The following LYZL2 variants were observed in gnomAD, a reference collection of about 807,000 sequenced individuals.
The protein encoded by LYZL2 is lysozyme like 2, also known as lysozyme-like protein 2.
Under a neutral mutation model 17.1 loss-of-function variants are expected in LYZL2, and 13 were observed. That is an observed-to-expected ratio of 0.76 (90% CI 0.49 to 1.21). The LOEUF is 1.21. LYZL2 is among the 50% of genes most tolerant of loss of function. The probability of loss-of-function intolerance (pLI) is 0.00; values close to 1 mark genes in which losing one functional copy is unlikely to be tolerated. For synonymous variants in LYZL2, 63 were observed against 74.4 expected (o/e 0.85, Z 0.79); for missense variants, 166 against 189.2 (o/e 0.88, Z 0.72).
intron 3 of LYZL2, among the ~76,000 whole-genome samples, chr10:30,616,393 T>G (rs424712): frequency 0.83 from 126,207 of 152,288 alleles, 52,963 homozygotes; most frequent in African/African-American, 0.92. Flanking sequence ...GCTTATAAAA[T>G]TCTCTTGCCA....
At chr10:30,611,557 AGG>A (rs1491301052), downstream of LYZL2, among the ~76,000 whole-genome samples, 6,204 of 94,930 alleles carry the variant, frequency 0.065, 152 homozygotes, top group South Asian at 0.089. Flanking sequence ...GAAGGAAGGA[AGG>A]AAGGAAGGAA....
At chr10:30,614,223 C>T (rs1838493164) in intron 3 of LYZL2, among the ~76,000 whole-genome samples, 1 of 152,172 alleles carries the variant, frequency 6.6e-6, no homozygotes, top group African/African-American at 2.4e-5. Flanking sequence ...TTTGAAATGC[C>T]AGATATTTTC....
At chr10:30,615,744 G>A (rs1405510449) in intron 3 of LYZL2, among the ~76,000 whole-genome samples, 1 of 151,362 alleles carries the variant, frequency 6.6e-6, no homozygotes, top group Non-Finnish European at 1.5e-5. Flanking sequence ...TAACATTAAA[G>A]ACAATTAAAA....
chr10:30,607,605 C>T (rs758612270), downstream of LYZL2, among the ~76,000 whole-genome samples: 18 of 152,060 alleles, frequency 1.2e-4, no homozygotes, highest in Non-Finnish European at 1.3e-4. Flanking sequence ...GGATGAGAGA[C>T]GGGAGAAAAA....
chr10:30,608,615 C>T (rs420512), downstream of LYZL2, among the ~76,000 whole-genome samples: 96,438 of 151,996 alleles, frequency 0.63, 31,186 homozygotes, highest in Middle Eastern at 0.77. Flanking sequence ...TCTCTGCTGT[C>T]GCGCTGTGGC....
At chr10:30,616,269 C>A (rs1348167826) in intron 3 of LYZL2, among the ~76,000 whole-genome samples, 1 of 152,074 alleles carries the variant, frequency 6.6e-6, no homozygotes, top group Admixed American at 6.6e-5. Flanking sequence ...ATTCTATTAA[C>A]CAGGAGAAAA....
intron 4 of LYZL2, 126 bp from the exon 5 acceptor site, chr10:30,612,150 T>G (rs1444775972): frequency 8.5e-7 from 1 of 1,173,132 alleles, no homozygotes; most frequent in East Asian, 2.4e-5. Context: ...CATTTGCTTC[T>G]GAGATCAAAG....
chr10:30,626,845 C>T lies in LYZL2; in HGVS notation c.71G>A (p.Arg24His), dbSNP rs375255325. 6.8e-5 allele frequency: 109 copies of T among 1,614,186 alleles called. No homozygotes were observed. Among genetic ancestry groups the T allele is most frequent in the South Asian group, 4.0e-4 (36 of 91,072 alleles). Residue 24 changes from arginine (R) to histidine (H), a missense_variant, in exon 2 of 5, where the codon CGT becomes CAT. Physicochemically the swap from Arg to His is conservative, Grantham distance 29 (BLOSUM62 0). Around this residue, in one of 2 missense-constraint regions of LYZL2, gnomAD observed 32 missense variants for 59.8 expected, o/e 0.53. Coordinates refer to ENST00000647634, the MANE Select transcript of LYZL2 (RefSeq NM_183058.3). ...VTGAESKIYT[R>H]CKLAKIFSRA... The stretch of plus-strand genomic sequence containing the variant: ...CGAGAATATTTTTGCCAGTTTGCAA[C>T]GAGTGTAGATTTTGGACTCGGCGCC...
rs1425358256 is a variant in LYZL2 at position 30,612,875 on chromosome 10, A to G, written c.324T>C (p.Asp108=). ...CAATTTTCTTGGCACAGATAATCGC[A>G]TCTGTGAGGTCATCAGTGACCAAGG... ...CSALVTDDLT[D]AIICAKKIVK... is the part of the protein sequence containing the mutation. Residue 108 remains aspartate, a synonymous_variant, in exon 4 of 5, where the codon GAT becomes GAC. Coordinates refer to ENST00000647634, the MANE Select transcript of LYZL2 (RefSeq NM_183058.3). 1 of 1,613,950 alleles carries G rather than the reference A, an allele frequency of 6.2e-7. No individual in the cohort carries two copies. The highest frequency in any genetic ancestry group is 1.7e-5 in the Admixed American group (1 of 60,024).
intron 3 of LYZL2, among the ~76,000 whole-genome samples, chr10:30,613,174 C>T (rs1012089749): frequency 3.3e-5 from 5 of 152,142 alleles, no homozygotes; most frequent in East Asian, 3.9e-4. Flanking sequence ...TTAGAGAAGA[C>T]GCTATGTGAA....
intron 3 of LYZL2, among the ~76,000 whole-genome samples, chr10:30,613,896 T>C (rs1047358613): frequency 2.6e-5 from 4 of 152,096 alleles, no homozygotes; most frequent in African/African-American, 9.7e-5. Flanking sequence ...TTATTTTTAT[T>C]TTTGTAGAGA....
chr10:30,621,501 T>C (rs1438610224), intron 3 of LYZL2, among the ~76,000 whole-genome samples: 1 of 152,040 alleles, frequency 6.6e-6, no homozygotes, highest in Non-Finnish European at 1.5e-5. Context: ...TGAGAATTAC[T>C]TGAGTCCAGG....
At chr10:30,607,509 C>G (rs1396014135), downstream of LYZL2, among the ~76,000 whole-genome samples, 2 of 152,120 alleles carry the variant, frequency 1.3e-5, no homozygotes, top group Non-Finnish European at 2.9e-5. Context: ...ACTGGAGGAT[C>G]AGTTTAAACA....
chr10:30,624,226 T>C (rs56819037), intron 3 of LYZL2, among the ~76,000 whole-genome samples: 2,289 of 152,290 alleles, frequency 0.015, 53 homozygotes, highest in African/African-American at 0.052. Context: ...CGTCAATGGA[T>C]TCCCATGTCC....
intron 3 of LYZL2, among the ~76,000 whole-genome samples, chr10:30,616,066 T>C (rs1460460309): frequency 1.3e-5 from 2 of 152,256 alleles, no homozygotes; most frequent in South Asian, 2.1e-4. Context: ...ATGTTGCATT[T>C]CAATAAGGCA....
At chr10:30,622,628 C>T (rs974450962) in intron 3 of LYZL2, among the ~76,000 whole-genome samples, 3 of 152,168 alleles carry the variant, frequency 2.0e-5, no homozygotes, top group African/African-American at 7.2e-5. Flanking sequence ...ACGGCCTAAT[C>T]ATGGCATAAC....
chr10:30,627,934 C>T lies in LYZL2; in HGVS notation c.-25-994G>A, dbSNP rs184076001. On this transcript the variant is annotated intron_variant, in intron 1 of 4. Coordinates refer to ENST00000647634, the MANE Select transcript of LYZL2 (RefSeq NM_183058.3). ...CGGCACTTTGGGAGGCCGAGACGGG[C>T]GGATCACGAGGTCAGGAGATCAAGA... Among the ~76,000 whole-genome samples, 76 of 152,276 alleles carry T rather than the reference C, an allele frequency of 5.0e-4. 1 individual carries two copies. The highest frequency in any genetic ancestry group is 1.6e-3 in the African/African-American group (68 of 41,554).
chr10:30,622,680 G>C (rs1462313890), intron 3 of LYZL2, among the ~76,000 whole-genome samples: 1 of 152,160 alleles, frequency 6.6e-6, no homozygotes, highest in African/African-American at 2.4e-5. Context: ...AGTCTTATTG[G>C]AACACAGCCA....
downstream of LYZL2, among the ~76,000 whole-genome samples, chr10:30,607,606 G>A (rs1051888160): frequency 1.1e-4 from 16 of 152,098 alleles, no homozygotes; most frequent in African/African-American, 3.1e-4. Flanking sequence ...GATGAGAGAC[G>A]GGAGAAAAAT....
Sources: allele counts gnomAD v4.1 joint callset (sites outside exome capture counted in the v4.1 genomes callset), GRCh38; gene constraint gnomAD v4.1.1; regional missense constraint gnomAD v4.1.1; transcripts MANE v1.5; gene names NCBI Gene and HGNC (gene_info 2026-07-23, HGNC 2026-07-21).